The following KCNIP4 variants were observed in gnomAD, a reference collection of about 807,000 sequenced individuals.
KCNIP4 encodes potassium voltage-gated channel interacting protein 4.
In KCNIP4, 12 loss-of-function variants were observed where a neutral mutation model predicts 34.0. The ratio of observed to expected loss-of-function variants is 0.35; its 90% CI spans 0.23 to 0.57. The LOEUF (loss-of-function observed/expected upper bound fraction) is 0.57. KCNIP4 is among the 20% of genes least tolerant of loss of function. The pLI, the probability that KCNIP4 is intolerant of heterozygous loss-of-function variation, is 0.83. For missense variants in KCNIP4, 238 were observed against 311.7 expected, an observed-to-expected ratio of 0.76 and a Z score of 1.78; for synonymous variants, 124 against 102.2, an observed-to-expected ratio of 1.21 and a Z score of -1.29.
At chr4:21,906,054 A>T (rs182108865) in intron 1 of KCNIP4, among the ~76,000 whole-genome samples, 1 of 152,170 alleles carries the variant, frequency 6.6e-6, no homozygotes, top group African/African-American at 2.4e-5. Context: ...TTATTGAAAC[A>T]CAGCTACATT....
intron 2 of KCNIP4, among the ~76,000 whole-genome samples, chr4:20,880,981 C>T (rs191177538): frequency 1.1e-4 from 16 of 152,234 alleles, no homozygotes; most frequent in South Asian, 8.3e-4. Flanking sequence ...TTAGTGCTAA[C>T]GAAAGTTATT....
chr4:21,356,488 G>A (rs572794652), intron 1 of KCNIP4, among the ~76,000 whole-genome samples: 49 of 152,254 alleles, frequency 3.2e-4, no homozygotes, highest in African/African-American at 1.2e-3. Flanking sequence ...CAAAATCAGT[G>A]CGCAAAAATC....
intron 1 of KCNIP4, among the ~76,000 whole-genome samples, chr4:21,202,860 C>T (rs922032897): frequency 3.9e-5 from 6 of 152,266 alleles, no homozygotes; most frequent in African/African-American, 1.4e-4. Context: ...GGCTACTAGG[C>T]CCACGCCTCA....
At chr4:20,799,638 C>T (rs890171516) in intron 3 of KCNIP4, among the ~76,000 whole-genome samples, 1 of 152,170 alleles carries the variant, frequency 6.6e-6, no homozygotes, top group Non-Finnish European at 1.5e-5. Context: ...CACAGTGGTG[C>T]CTTGCCATTC....
intron 1 of KCNIP4, among the ~76,000 whole-genome samples, chr4:21,534,894 C>T (rs958224692): frequency 6.6e-6 from 1 of 152,098 alleles, no homozygotes; most frequent in South Asian, 2.1e-4. Context: ...CATCGTAGGG[C>T]TTTGAAACAT....
intron 1 of KCNIP4, among the ~76,000 whole-genome samples, chr4:21,063,839 T>TA (rs1287438999): frequency 1.3e-5 from 2 of 151,960 alleles, no homozygotes; most frequent in Non-Finnish European, 2.9e-5. Context: ...GAAGAGAGAA[T>TA]AAAAAAATTC....
chr4:20,732,159 A>C (rs142942059), intron 7 of KCNIP4, 91 bp from the exon 8 acceptor site: 1 of 847,156 alleles, frequency 1.2e-6, no homozygotes, highest in Non-Finnish European at 1.9e-6. Flanking sequence ...TAAAAAGAAA[A>C]CCTAGCTGCT....
At position 20,952,810 on chromosome 4, in the gene KCNIP4, T is replaced by A. The variant is rs548113884; in HGVS notation, c.62-70101A>T. On this transcript the variant is annotated intron_variant, in intron 1 of 8. Coordinates refer to ENST00000382152, the MANE Select transcript of KCNIP4 (RefSeq NM_025221.6). Reference sequence around the variant, plus strand: ...AATATTTTTTTGAATAAGTAATTTATAAACAACAGAATTTATTGCTCATAG... The same window carrying A: ...AATATTTTTTTGAATAAGTAATTTAAAAACAACAGAATTTATTGCTCATAG... 3.9e-5 allele frequency among the ~76,000 whole-genome samples: 6 copies of A among 152,318 alleles called. No individual in the cohort carries two copies. The South Asian group carries it at 1.0e-3, about 26-fold the overall frequency.
At chr4:21,482,766 T>A (rs1039560742) in intron 1 of KCNIP4, among the ~76,000 whole-genome samples, 35 of 152,064 alleles carry the variant, frequency 2.3e-4, no homozygotes, top group African/African-American at 8.2e-4. Context: ...ATTTCAACTT[T>A]GGTGAATCTG....
rs376552835 is a variant in KCNIP4 at position 21,572,325 on chromosome 4, G to A, written c.61+376246C>T. 1.7e-3 allele frequency among the ~76,000 whole-genome samples: 256 copies of A among 152,222 alleles called. 10 individuals carry two copies. The South Asian group carries it at 0.047, about 28-fold the overall frequency. On this transcript the variant is annotated intron_variant, in intron 1 of 8. Coordinates refer to ENST00000382152, the MANE Select transcript of KCNIP4 (RefSeq NM_025221.6). ...ACATCATGGAAACTTAGTTTGTTCA[G>A]CCTGAAGAGTTTATGATGGCCTCCT...
intron 1 of KCNIP4, among the ~76,000 whole-genome samples, chr4:21,701,888 G>C (rs1712877283): frequency 6.6e-6 from 1 of 151,974 alleles, no homozygotes; most frequent in Non-Finnish European, 1.5e-5. Flanking sequence ...ATTTTTAGTA[G>C]AGACAGGGTT....
intron 1 of KCNIP4, among the ~76,000 whole-genome samples, chr4:21,916,216 G>C (rs968440873): frequency 1.5e-4 from 23 of 152,140 alleles, no homozygotes; most frequent in Admixed American, 2.6e-4. Context: ...TAAAATACCT[G>C]CTTCTTTCCA....
At chr4:21,086,241 A>C (rs1177662900) in intron 1 of KCNIP4, among the ~76,000 whole-genome samples, 1 of 152,132 alleles carries the variant, frequency 6.6e-6, no homozygotes, top group African/African-American at 2.4e-5. Flanking sequence ...CCAAATCTTA[A>C]TTAATATTAT....
intron 1 of KCNIP4, among the ~76,000 whole-genome samples, chr4:21,242,880 CTGTGTGTG>C (rs56347755): frequency 0.036 from 5,339 of 149,248 alleles, 279 homozygotes; most frequent in African/African-American, 0.11. Flanking sequence ...GTGTGTGTAT[CTGTGTGTG>C]TGTGTGTGTG....
At chr4:21,597,677 G>C (rs1467366049) in intron 1 of KCNIP4, among the ~76,000 whole-genome samples, 2 of 152,114 alleles carry the variant, frequency 1.3e-5, no homozygotes, top group African/African-American at 4.8e-5. Context: ...TAGGTCTACT[G>C]TATTCATTCA....
chr4:21,786,840 C>T (rs36069711), intron 1 of KCNIP4, among the ~76,000 whole-genome samples: 111,304 of 151,882 alleles, frequency 0.73, 43,666 homozygotes, highest in Non-Finnish European at 0.86. Context: ...TGTGGGATTA[C>T]ATGCCTGAGC....
At chr4:21,798,404 C>CATACATATATATAT (rs557219481) in intron 1 of KCNIP4, among the ~76,000 whole-genome samples, 5 of 129,644 alleles carry the variant, frequency 3.9e-5, no homozygotes, top group South Asian at 2.5e-4. Context: ...CAAAAAAATA[C>CATACATATATATAT]ATATATATAT....
chr4:20,916,500 G>A (rs1182157250), intron 1 of KCNIP4, among the ~76,000 whole-genome samples: 1 of 152,100 alleles, frequency 6.6e-6, no homozygotes, highest in African/African-American at 2.4e-5. Context: ...GAAACAGTGG[G>A]AAGGGGAAAT....
intron 1 of KCNIP4, among the ~76,000 whole-genome samples, chr4:21,864,701 G>C (rs1354021405): frequency 6.6e-6 from 1 of 152,176 alleles, no homozygotes; most frequent in African/African-American, 2.4e-5. Context: ...CGAGAAAAGG[G>C]TGCCAGGGCT....
Sources: allele counts gnomAD v4.1 joint callset (sites outside exome capture counted in the v4.1 genomes callset), GRCh38; gene constraint gnomAD v4.1.1; transcripts MANE v1.5; gene names NCBI Gene and HGNC (gene_info 2026-07-23, HGNC 2026-07-21).